PHF8: variants seen among roughly 807,000 people sequenced by gnomAD.
PHF8 encodes the protein PHD finger protein 8, also known as histone lysine demethylase PHF8.
In PHF8, 9 loss-of-function variants were observed where a neutral mutation model predicts 74.4. That is an observed-to-expected ratio of 0.12 (90% CI 0.07 to 0.21). PHF8 has a LOEUF of 0.21. Ranked by LOEUF, PHF8 falls within the 10% of genes least tolerant of loss-of-function variation. The pLI is 1.00. For missense variants in PHF8, 478 were observed against 816.6 expected (o/e 0.59, Z 5.05); for synonymous variants, 311 against 316.6 (o/e 0.98, Z 0.19).
intron 8 of PHF8, among the ~76,000 whole-genome samples, chrX:54,009,792 G>C (rs371231639): frequency 6.5e-5 from 6 of 92,419 alleles, no homozygotes; most frequent in Non-Finnish European, 1.3e-4. Context: ...GCAGTGAGCC[G>C]GGATCGCACC....
rs1201744328 is a variant in PHF8 at position 53,991,661 on chromosome X, C to CAAAAAAAA, written c.1730+1067_1730+1074dup. Among the ~76,000 whole-genome samples, 19 of 16,744 alleles carry CAAAAAAAA rather than the reference C, an allele frequency of 1.1e-3. 1 individual carries two copies. The highest frequency in any genetic ancestry group is 2.3e-3 in the African/African-American group (10 of 4,354). 14.5% of individuals were successfully genotyped at this position (16,744 alleles called of 115,157 possible). ...CTGGTAACAGAGTGAGACTCTGTCT[C>CAAAAAAAA]AAAAAAAAAAAAAAAAAAAAAAAAC... On this transcript the variant is annotated intron_variant, in intron 14 of 21. Coordinates refer to ENST00000338154, the MANE Select transcript of PHF8 (RefSeq NM_015107.3).
intron 19 of PHF8, among the ~76,000 whole-genome samples, chrX:53,944,939 T>C (rs2064809127): frequency 9.0e-6 from 1 of 110,939 alleles, no homozygotes; most frequent in Non-Finnish European, 1.9e-5. Context: ...TGAGAATTGC[T>C]TGAGCCTGAG....
At chrX:54,038,946 C>T (rs2043785175) in intron 2 of PHF8, among the ~76,000 whole-genome samples, 1 of 109,755 alleles carries the variant, frequency 9.1e-6, no homozygotes, top group African/African-American at 3.3e-5. Context: ...ACCAGCCTGA[C>T]CAACATAGTG....
At chrX:54,028,299 T>C (rs1557111835) in intron 2 of PHF8, among the ~76,000 whole-genome samples, 1 of 111,101 alleles carries the variant, frequency 9.0e-6, no homozygotes, top group Non-Finnish European at 1.9e-5. Flanking sequence ...ACTCATGTAG[T>C]AGGGTGTTGT....
Position 54,042,791 on chromosome X carries a change from G to T in PHF8, c.-63C>A, listed in dbSNP as rs781976643. 15 of 1,173,707 alleles carry T rather than the reference G, an allele frequency of 1.3e-5. No homozygotes were observed. Among genetic ancestry groups the T allele is most frequent in the Middle Eastern group, 2.3e-4 (1 of 4,257 alleles). ...TTCGTCGTGTCAAGAGGGGCGGGAG[G>T]CGGCAGCACGCGTCCTCTCTGGACG... On this transcript the variant is annotated 5_prime_UTR_variant, in exon 2 of 22. Coordinates refer to ENST00000338154, the MANE Select transcript of PHF8 (RefSeq NM_015107.3).
At chrX:53,943,932 G>T (rs1199561199) in intron 20 of PHF8, among the ~76,000 whole-genome samples, 3 of 112,128 alleles carry the variant, frequency 2.7e-5, no homozygotes, top group Non-Finnish European at 5.6e-5. Flanking sequence ...TGTCAACTGT[G>T]TAACCTGTGG....
intron 2 of PHF8, among the ~76,000 whole-genome samples, chrX:54,026,530 TTTGTTGTTG>T (rs782228820): frequency 1.9e-5 from 2 of 103,103 alleles, no homozygotes; most frequent in South Asian, 4.0e-4. Context: ...GGTTTTGGCT[TTTGTTGTTG>T]TTGTTGTTGT....
intron 18 of PHF8, among the ~76,000 whole-genome samples, chrX:53,963,305 T>G (rs1399435168): frequency 2.7e-5 from 3 of 111,924 alleles, no homozygotes; most frequent in African/African-American, 9.7e-5. Flanking sequence ...TGGCTCTCCA[T>G]AGCTTCCTGT....
chrX:53,986,901 G>A (rs1557099723), intron 16 of PHF8, among the ~76,000 whole-genome samples, 177 bp downstream of exon 16: 1 of 111,718 alleles, frequency 9.0e-6, no homozygotes, highest in Admixed American at 9.6e-5. Flanking sequence ...ACCCCAGCCT[G>A]GGCAACAGAG....
At chrX:54,030,813 C>T (rs2066343213) in intron 2 of PHF8, among the ~76,000 whole-genome samples, 1 of 112,228 alleles carries the variant, frequency 8.9e-6, no homozygotes, top group Non-Finnish European at 1.9e-5. Flanking sequence ...AATCTCACCT[C>T]TGCCACTCAC....
At position 53,958,693 on chromosome X, in the gene PHF8, G is replaced by A. The variant is rs782684135; in HGVS notation, c.2539+4151C>T. Among the ~76,000 whole-genome samples the A allele has an allele frequency of 5.1e-3, 521 of 101,376 alleles. 2 individuals are homozygous for A. The highest frequency in any genetic ancestry group is 0.04 in the Middle Eastern group (8 of 198). 88.0% of individuals were successfully genotyped at this position (101,376 alleles called of 115,157 possible). A position where few individuals can be genotyped will look rare whatever the true frequency, so the allele number is the denominator to read the frequency against. On this transcript the variant is annotated intron_variant, in intron 19 of 21. Coordinates refer to ENST00000338154, the MANE Select transcript of PHF8 (RefSeq NM_015107.3). ...CGGGAGGCTGAGGCAGGAGAATGGC[G>A]TGAACCCAGGAGGCGGAGCTTGCAG...
chrX:54,042,803 G>A lies in PHF8; in HGVS notation c.-75C>T. On this transcript the variant is annotated 5_prime_UTR_variant, in exon 2 of 22. The change creates a new upstream start codon in the 5' untranslated region. Coordinates refer to ENST00000338154, the MANE Select transcript of PHF8 (RefSeq NM_015107.3). ...AGAGGGGCGGGAGGCGGCAGCACGCGTCCTCTCTGGACGATAGCTAGGCAC... is the reference window on the plus strand; with the variant it reads ...AGAGGGGCGGGAGGCGGCAGCACGCATCCTCTCTGGACGATAGCTAGGCAC... 1.7e-6 allele frequency: 2 copies of A among 1,163,951 alleles called. No homozygotes were observed. The highest frequency in any genetic ancestry group is 1.2e-6 in the Non-Finnish European group (1 of 868,721).
chrX:53,998,255 A>G (rs1403455334), intron 11 of PHF8, among the ~76,000 whole-genome samples: 1 of 109,772 alleles, frequency 9.1e-6, no homozygotes, highest in Non-Finnish European at 1.9e-5. Flanking sequence ...GGAGTTCGAG[A>G]CCAGCCTGGC....
chrX:54,025,327 T>C (rs1217431963), intron 2 of PHF8, among the ~76,000 whole-genome samples: 2 of 110,695 alleles, frequency 1.8e-5, no homozygotes, highest in Non-Finnish European at 3.8e-5. Context: ...CATTCTCCCA[T>C]ACCCTCATAA....
chrX:53,944,976 T>C (rs1434152686), intron 19 of PHF8, among the ~76,000 whole-genome samples: 1 of 110,652 alleles, frequency 9.0e-6, no homozygotes, highest in African/African-American at 3.3e-5. Context: ...GAGCAGAGAT[T>C]GCATCACTGC....
intron 8 of PHF8, among the ~76,000 whole-genome samples, chrX:54,009,383 T>C (rs1448918852): frequency 9.1e-6 from 1 of 110,383 alleles, no homozygotes; most frequent in Non-Finnish European, 1.9e-5. Context: ...CCTAAATCAA[T>C]GCTGAGAGGG....
chrX:54,014,079 C>G (rs1432268349), intron 7 of PHF8, among the ~76,000 whole-genome samples: 2 of 109,605 alleles, frequency 1.8e-5, no homozygotes, highest in Non-Finnish European at 3.8e-5. Flanking sequence ...CCTCAGCCTC[C>G]CAAGTAGCTG....
intron 6 of PHF8, among the ~76,000 whole-genome samples, chrX:54,015,284 A>G (rs2066044394): frequency 9.0e-6 from 1 of 111,511 alleles, no homozygotes; most frequent in Non-Finnish European, 1.9e-5. Context: ...CTTGCATCTT[A>G]AAAACAACAG....
In PHF8 at chrX:53,938,559, G is replaced by C. The variant is rs1421413787; in HGVS notation, c.*599C>G. On this transcript the variant is annotated 3_prime_UTR_variant, in exon 22 of 22. Transcript: ENST00000338154. ...AGTTGGCATTTCTAGGCCACTTCTG[G>C]AAATGGCCCACAGTGGGGCAGGAAG... The C allele has an allele frequency of 1.3e-6, 1 of 755,412 alleles. No homozygotes were observed. Among genetic ancestry groups the C allele is most frequent in the Non-Finnish European group, 1.6e-6 (1 of 640,462 alleles). 62.3% of individuals were successfully genotyped at this position (755,412 alleles called of 1,213,427 possible).
Sources: gnomAD v4.1 joint callset for allele counts (sites outside exome capture counted in the v4.1 genomes callset) on GRCh38, gnomAD v4.1.1 for gene constraint, MANE v1.5 for transcripts, NCBI Gene and HGNC (gene_info 2026-07-23, HGNC 2026-07-21) for gene names.